EML1: variants seen among roughly 807,000 people sequenced by gnomAD.
The protein encoded by EML1 is echinoderm microtubule-associated protein-like 1.
A neutral mutation model predicts 110.4 loss-of-function variants in EML1; 27 were observed. The ratio of observed to expected loss-of-function variants is 0.24; its 90% CI spans 0.18 to 0.34. The LOEUF is 0.34. EML1 is among the 10% of genes least tolerant of loss of function. The pLI is 1.00. For synonymous variants in EML1, 344 were observed against 385.8 expected (o/e 0.89, Z 1.27); for missense variants, 741 against 1,030.9 (o/e 0.72, Z 3.85).
chr14:99,809,338 A>AT (rs1341194487), intron 1 of EML1: 1 of 158,386 alleles, frequency 6.3e-6, no homozygotes, highest in Admixed American at 6.3e-5. Flanking sequence ...TTTTTATTTT[A>AT]TTTATTTATT....
At chr14:99,785,431 G>C (rs2057588314) in intron 1 of EML1, among the ~76,000 whole-genome samples, 1 of 152,186 alleles carries the variant, frequency 6.6e-6, no homozygotes, top group Non-Finnish European at 1.5e-5. Context: ...AAATTGCCAA[G>C]AGCCTAAGAA....
At chr14:99,884,435 G>A (rs1427599700) in intron 4 of EML1, among the ~76,000 whole-genome samples, 1 of 152,222 alleles carries the variant, frequency 6.6e-6, no homozygotes, top group African/African-American at 2.4e-5. Context: ...CAGGGAGTGG[G>A]AAGGAGCAGC....
intron 4 of EML1, among the ~76,000 whole-genome samples, chr14:99,882,308 A>T (rs1221247290): frequency 6.6e-6 from 1 of 152,194 alleles, no homozygotes; most frequent in African/African-American, 2.4e-5. Flanking sequence ...CCTGATAGAA[A>T]ATTGGCTGCT....
At chr14:99,742,123 C>A (rs143116340) in intron 1 of EML1, among the ~76,000 whole-genome samples, 4 of 152,294 alleles carry the variant, frequency 2.6e-5, no homozygotes, top group African/African-American at 9.6e-5. Context: ...AAGTACCCCC[C>A]ACCTCAGCCC....
At chr14:99,854,980 C>T (rs566161035) in intron 2 of EML1, among the ~76,000 whole-genome samples, 4 of 152,096 alleles carry the variant, frequency 2.6e-5, no homozygotes, top group East Asian at 1.9e-4. Flanking sequence ...CAGCACTGTG[C>T]GCAACGGAGA....
intron 1 of EML1, among the ~76,000 whole-genome samples, chr14:99,766,138 T>G (rs189619493): frequency 2.6e-5 from 4 of 152,104 alleles, no homozygotes; most frequent in Admixed American, 2.6e-4. Context: ...CTTTCTATTC[T>G]TTTGGGGGTA....
At chr14:99,822,313 G>A (rs984038854) in intron 1 of EML1, among the ~76,000 whole-genome samples, 4 of 152,200 alleles carry the variant, frequency 2.6e-5, no homozygotes, top group Admixed American at 2.0e-4. Flanking sequence ...GTGTGTGTAT[G>A]TGTGTGAGAG....
At chr14:99,792,757 T>TC (rs1379154693), upstream of EML1, 1 of 152,264 alleles carries the variant, frequency 6.6e-6, no homozygotes, top group East Asian at 1.9e-4. Context: ...TCTGGCCCAG[T>TC]GTGAGCGAAG....
At chr14:99,786,783 T>C (rs139144230) in intron 1 of EML1, among the ~76,000 whole-genome samples, 22 of 152,252 alleles carry the variant, frequency 1.4e-4, no homozygotes, top group Non-Finnish European at 2.6e-4. Context: ...GCACTTAATA[T>C]GGTAGGCAGC....
intron 1 of EML1, among the ~76,000 whole-genome samples, chr14:99,778,774 T>A (rs1200918915): frequency 6.6e-6 from 1 of 152,214 alleles, no homozygotes. Context: ...AATAATTTTT[T>A]CCCTCAAAAA....
At chr14:99,804,047 C>T (rs2057928676) in intron 1 of EML1, among the ~76,000 whole-genome samples, 1 of 152,218 alleles carries the variant, frequency 6.6e-6, no homozygotes, top group South Asian at 2.1e-4. Flanking sequence ...CTCGGCTTCA[C>T]CGAATTAGTC....
In EML1 at chr14:99,940,941, T is replaced by C. The variant is rs2060578668; in HGVS notation, c.*829T>C. ...ACTTGTATAGGATTCTAGCAATTCA[T>C]AATAAATATGTAAGACTAGGCTTTA... On this transcript the variant is annotated 3_prime_UTR_variant, in exon 22 of 22. Transcript: ENST00000262233. The C allele has an allele frequency of 6.6e-6, 1 of 152,250 alleles. No individual in the cohort carries two copies. The highest frequency in any genetic ancestry group is 1.5e-5 in the Non-Finnish European group (1 of 68,056). 9.4% of individuals were successfully genotyped at this position (152,250 alleles called of 1,614,324 possible).
In EML1 at chr14:99,837,981, T is replaced by C. The variant is rs147668956; in HGVS notation, c.68-12872T>C. Among the ~76,000 whole-genome samples, 669 of 152,188 alleles carry C rather than the reference T, an allele frequency of 4.4e-3. 1 individual carries two copies. The highest frequency in any genetic ancestry group is 0.015 in the African/African-American group (632 of 41,520). Reference sequence around the variant, plus strand: ...TGCCTGGCTAATTTTTTAAATCTTTTGTAGAGACGGGGTCTCACTATGTTG... The same window carrying C: ...TGCCTGGCTAATTTTTTAAATCTTTCGTAGAGACGGGGTCTCACTATGTTG... On this transcript the variant is annotated intron_variant, in intron 1 of 21. Coordinates refer to ENST00000262233, the MANE Select transcript of EML1 (RefSeq NM_004434.3).
At chr14:99,899,235 G>GA (rs1436335836) in intron 8 of EML1, among the ~76,000 whole-genome samples, 5 of 151,706 alleles carry the variant, frequency 3.3e-5, no homozygotes, top group Admixed American at 1.3e-4. Flanking sequence ...TTTTCATCCA[G>GA]AAAAAATGAA....
chr14:99,930,318 G>A (rs948091483), intron 17 of EML1, among the ~76,000 whole-genome samples: 7 of 152,200 alleles, frequency 4.6e-5, no homozygotes, highest in African/African-American at 1.7e-4. Context: ...ATACCTCACC[G>A]TGGGTGGAAG....
chr14:99,924,180 GT>G (rs55972281), intron 17 of EML1, among the ~76,000 whole-genome samples: 11 of 151,738 alleles, frequency 7.2e-5, no homozygotes, highest in African/African-American at 1.5e-4. Flanking sequence ...CAAAATAAGT[GT>G]TTTTTTTATG....
At chr14:99,824,479 C>A (rs528351581) in intron 1 of EML1, among the ~76,000 whole-genome samples, 2 of 151,120 alleles carry the variant, frequency 1.3e-5, no homozygotes, top group Non-Finnish European at 2.9e-5. Flanking sequence ...ATCAAAATCA[C>A]AATAATACAG....
intron 1 of EML1, among the ~76,000 whole-genome samples, chr14:99,822,182 T>C (rs2058275297): frequency 6.6e-6 from 1 of 151,878 alleles, no homozygotes; most frequent in Non-Finnish European, 1.5e-5. Context: ...TAGGAGTCCT[T>C]AGTATCCTAG....
At position 99,936,757 on chromosome 14, in the gene EML1, C is replaced by G. The variant is rs1346449608; in HGVS notation, c.2095+423C>G. Among the ~76,000 whole-genome samples, 1 of 152,162 alleles carries G rather than the reference C, an allele frequency of 6.6e-6. No individual in the cohort carries two copies. The highest frequency in any genetic ancestry group is 1.5e-5 in the Non-Finnish European group (1 of 68,016). ...CCATCCCCGCTGGGTGGACGGCAGC[C>G]CTGGGACCCCTCCTCCTCCCCTCCC... On this transcript the variant is annotated intron_variant, in intron 19 of 21. Transcript: ENST00000262233. This position sits in a 1 kb window ranked among gnomAD's most constrained non-coding sequence, Gnocchi z 5.5.
Sources: allele counts gnomAD v4.1 joint callset (sites outside exome capture counted in the v4.1 genomes callset), GRCh38; gene constraint gnomAD v4.1.1; non-coding constraint Gnocchi (gnomAD v3.1); transcripts MANE v1.5; gene names NCBI Gene and HGNC (gene_info 2026-07-23, HGNC 2026-07-21).